Variants in ASTN2 observed in about 807,000 individuals in gnomAD.
The protein encoded by ASTN2 is astrotactin-2.
A neutral mutation model predicts 139.8 loss-of-function variants in ASTN2; 54 were observed. That is an observed-to-expected ratio of 0.39 (90% CI 0.31 to 0.48). ASTN2 has a LOEUF of 0.48. Among genes scored for constraint, ASTN2 ranks in the 20% least tolerant of loss-of-function variants. ASTN2 has a pLI of 0.95. For synonymous variants in ASTN2, 756 were observed against 719.5 expected, an observed-to-expected ratio of 1.05 and a Z score of -0.81; for missense variants, 1,565 against 1,725.1, an observed-to-expected ratio of 0.91 and a Z score of 1.64.
At chr9:116,567,190 C>A (rs752747311) in intron 19 of ASTN2, among the ~76,000 whole-genome samples, 1 of 152,178 alleles carries the variant, frequency 6.6e-6, no homozygotes, top group Non-Finnish European at 1.5e-5. Context: ...TGGCTGATTT[C>A]CAACATATAA....
At chr9:116,495,308 G>A (rs540168978) in intron 19 of ASTN2, among the ~76,000 whole-genome samples, 1 of 152,278 alleles carries the variant, frequency 6.6e-6, no homozygotes, top group South Asian at 2.1e-4. Flanking sequence ...TGGGGAACCA[G>A]CTCTCCCCCA....
chr9:116,462,534 G>A (rs1848518961), intron 20 of ASTN2, among the ~76,000 whole-genome samples: 2 of 152,140 alleles, frequency 1.3e-5, no homozygotes, highest in Non-Finnish European at 2.9e-5. Context: ...AGGGGCAGGT[G>A]TAGAAAAATC....
chr9:117,406,850 G>A (rs532365964), intron 1 of ASTN2, among the ~76,000 whole-genome samples: 10 of 128,416 alleles, frequency 7.8e-5, no homozygotes, highest in Non-Finnish European at 1.3e-4. Context: ...TGTTGTCATT[G>A]TCCCCTAACA....
intron 1 of ASTN2, among the ~76,000 whole-genome samples, chr9:117,294,073 A>T (rs1204888040): frequency 1.3e-5 from 2 of 152,188 alleles, no homozygotes; most frequent in Non-Finnish European, 2.9e-5. Context: ...CCCACTATTA[A>T]AGAGGCTTCC....
intron 19 of ASTN2, chr9:116,613,350 G>C (rs1013149677): frequency 6.6e-6 from 1 of 152,194 alleles, no homozygotes; most frequent in Admixed American, 6.5e-5. Flanking sequence ...AATAGAAAAA[G>C]AGGGAATCCT....
intron 19 of ASTN2, 21 bp downstream of exon 19, chr9:116,618,303 A>T: frequency 6.2e-7 from 1 of 1,604,730 alleles, no homozygotes; most frequent in Non-Finnish European, 8.5e-7. Context: ...ATCCCAAGAA[A>T]ATGGGAACTC....
chr9:116,687,899 G>A (rs1430787813), intron 16 of ASTN2, among the ~76,000 whole-genome samples: 1 of 152,004 alleles, frequency 6.6e-6, no homozygotes, highest in Non-Finnish European at 1.5e-5. Flanking sequence ...TTCGGAGTGG[G>A]CTGAGGGTGA....
chr9:117,108,438 A>ACACACACAC (rs1554779232), intron 4 of ASTN2, among the ~76,000 whole-genome samples: 1 of 145,234 alleles, frequency 6.9e-6, no homozygotes, highest in Non-Finnish European at 1.5e-5. Context: ...AACAAAACAA[A>ACACACACAC]ACACACACAC....
chr9:116,573,428 G>A (rs145402051), intron 19 of ASTN2, among the ~76,000 whole-genome samples: 2 of 152,248 alleles, frequency 1.3e-5, no homozygotes, highest in Admixed American at 1.3e-4. Flanking sequence ...ATATCTCAGA[G>A]CCTTTAATAT....
intron 19 of ASTN2, among the ~76,000 whole-genome samples, chr9:116,490,339 G>A (rs1160927514): frequency 7.7e-6 from 1 of 130,602 alleles, no homozygotes; most frequent in African/African-American, 2.9e-5. Flanking sequence ...GTAGGGGAGA[G>A]AAAAGACATG....
At chr9:117,235,463 A>C (rs948288281) in intron 2 of ASTN2, among the ~76,000 whole-genome samples, 1 of 152,208 alleles carries the variant, frequency 6.6e-6, no homozygotes, top group Non-Finnish European at 1.5e-5. Context: ...CTATTATTAG[A>C]ACCCAGACCT....
At chr9:116,943,332 A>G (rs757694273) in intron 10 of ASTN2, among the ~76,000 whole-genome samples, 1 of 152,182 alleles carries the variant, frequency 6.6e-6, no homozygotes, top group Non-Finnish European at 1.5e-5. Context: ...AGAGACACAG[A>G]TACTCATTCC....
intron 5 of ASTN2, among the ~76,000 whole-genome samples, chr9:117,080,014 C>G (rs941949053): frequency 6.6e-6 from 1 of 152,218 alleles, no homozygotes; most frequent in African/African-American, 2.4e-5. Context: ...GAGTGACTTA[C>G]CAAGGTTCAC....
At chr9:116,601,718 A>T (rs1431888004) in intron 19 of ASTN2, among the ~76,000 whole-genome samples, 3 of 152,234 alleles carry the variant, frequency 2.0e-5, no homozygotes, top group Non-Finnish European at 2.9e-5. Context: ...ATTGGAAAGG[A>T]GCAAACTTGT....
At chr9:117,281,962 C>G (rs1015790211) in intron 2 of ASTN2, among the ~76,000 whole-genome samples, 1 of 152,196 alleles carries the variant, frequency 6.6e-6, no homozygotes, top group South Asian at 2.1e-4. Context: ...ACTCCCAGCC[C>G]TTTCTTGAGG....
At position 117,245,833 on chromosome 9, in the gene ASTN2, A is replaced by C. The variant is rs73517252; in HGVS notation, c.631-31091T>G. On this transcript the variant is annotated intron_variant, in intron 2 of 22. Coordinates refer to ENST00000313400, the MANE Select transcript of ASTN2 (RefSeq NM_001365068.1). Reference sequence around the variant, plus strand: ...CCCATTCTTTAGGTCTCTGCTCTTTAGGTCCTATTCTTTAGGTCTCTGCTG... The same window carrying C: ...CCCATTCTTTAGGTCTCTGCTCTTTCGGTCCTATTCTTTAGGTCTCTGCTG... Among the ~76,000 whole-genome samples, 404 of 152,108 alleles carry C rather than the reference A, an allele frequency of 2.7e-3. 4 individuals carry two copies. The highest frequency in any genetic ancestry group is 9.4e-3 in the African/African-American group (388 of 41,494).
intron 4 of ASTN2, among the ~76,000 whole-genome samples, chr9:117,096,388 T>C (rs1828841642): frequency 6.6e-6 from 1 of 152,176 alleles, no homozygotes; most frequent in Non-Finnish European, 1.5e-5. Context: ...AAACACACCT[T>C]TCTGAGCCCT....
chr9:116,963,044 CA>C (rs1393930054), intron 10 of ASTN2, among the ~76,000 whole-genome samples: 4 of 152,174 alleles, frequency 2.6e-5, no homozygotes, highest in African/African-American at 9.7e-5. Context: ...ACTCCAGGAA[CA>C]CATAGACTAC....
At chr9:116,489,327 A>T (rs767650518) in intron 19 of ASTN2, among the ~76,000 whole-genome samples, 13 of 151,840 alleles carry the variant, frequency 8.6e-5, no homozygotes, top group Non-Finnish European at 1.8e-4. Flanking sequence ...TTATTTATTT[A>T]TTTTTTAATT....
Sources: allele counts gnomAD v4.1 joint callset (sites outside exome capture counted in the v4.1 genomes callset), GRCh38; gene constraint gnomAD v4.1.1; transcripts MANE v1.5; gene names NCBI Gene and HGNC (gene_info 2026-07-23, HGNC 2026-07-21).